The following MAGOHB variants were observed in gnomAD, a reference collection of about 807,000 sequenced individuals.
MAGOHB encodes protein mago nashi homolog 2.
Under a neutral mutation model 20.9 loss-of-function variants are expected in MAGOHB, and 15 were observed. That is an observed-to-expected ratio of 0.72 (90% CI 0.48 to 1.11). The LOEUF (loss-of-function observed/expected upper bound fraction) is 1.11. Ranked by LOEUF, MAGOHB falls within the 50% of genes least tolerant of loss-of-function variation. MAGOHB has a pLI of 0.00. For missense variants in MAGOHB, 162 were observed against 177.6 expected, an observed-to-expected ratio of 0.91 and a Z score of 0.50; for synonymous variants, 50 against 57.9, an observed-to-expected ratio of 0.86 and a Z score of 0.62.
At position 10,606,224 on chromosome 12, in the gene MAGOHB, A is replaced by T; in HGVS notation, c.*51T>A. 2 of 911,860 alleles carry T rather than the reference A, an allele frequency of 2.2e-6. No homozygotes were observed. Among genetic ancestry groups the T allele is most frequent in the South Asian group, 1.7e-5 (1 of 60,238 alleles). The allele number at this position is 911,860 out of a possible 1,614,324, so 56.5% of individuals were successfully genotyped here. On this transcript the variant is annotated 3_prime_UTR_variant, in exon 5 of 5. Transcript: ENST00000320756. ...AACCCCAATACTGTAAATGACAAAT[A>T]ACCCCTCCCATCCCTTAATTAAATA...
At chr12:10,607,735 A>T in intron 4 of MAGOHB, 119 bp downstream of exon 4, 1 of 635,496 alleles carries the variant, frequency 1.6e-6, no homozygotes, top group Non-Finnish European at 2.8e-6. Flanking sequence ...TCAGGATTAC[A>T]TCTGCATAAT....
intron 3 of MAGOHB, 162 bp downstream of exon 3, chr12:10,609,669 G>A (rs892658702): frequency 8.4e-6 from 5 of 592,610 alleles, no homozygotes; most frequent in African/African-American, 3.7e-5. Context: ...AGGTAGCACA[G>A]AAAAACAGAA....
At chr12:10,613,053 C>A in intron 1 of MAGOHB, 3 of 832,428 alleles carry the variant, frequency 3.6e-6, no homozygotes, top group Admixed American at 2.9e-5. Context: ...GGCTCCTCCC[C>A]TTCAAAGAAA....
intron 3 of MAGOHB, 129 bp from the exon 4 acceptor site, chr12:10,608,065 AG>A: frequency 1.7e-6 from 1 of 577,490 alleles, no homozygotes. Context: ...GTGGGGGGCG[AG>A]GGGGAAAGAA....
chr12:10,601,800 C>A (rs1423778452), downstream of MAGOHB, among the ~76,000 whole-genome samples: 1 of 152,204 alleles, frequency 6.6e-6, no homozygotes, highest in Non-Finnish European at 1.5e-5. Flanking sequence ...ATAAAAGTAT[C>A]ACACGCTTCA....
Position 10,604,586 on chromosome 12 carries a change from G to A in MAGOHB, c.*1689C>T, listed in dbSNP as rs994819120. 37 of 152,144 alleles carry A rather than the reference G, an allele frequency of 2.4e-4. No individual in the cohort carries two copies. Among genetic ancestry groups the A allele is most frequent in the Admixed American group, 2.0e-3 (30 of 15,278 alleles). 9.4% of individuals were successfully genotyped at this position (152,144 alleles called of 1,614,324 possible). A position where few individuals can be genotyped will look rare whatever the true frequency, so the allele number is the denominator to read the frequency against. Reference sequence around the variant, plus strand: ...AACAGGAGCCACAACCTGTTTTGAGGAACAACCAACAACTGTGGGCCTACT... The same window carrying A: ...AACAGGAGCCACAACCTGTTTTGAGAAACAACCAACAACTGTGGGCCTACT... On this transcript the variant is annotated 3_prime_UTR_variant, in exon 5 of 5. Transcript: ENST00000320756.
chr12:10,611,641 G>A (rs1266027215), intron 1 of MAGOHB, among the ~76,000 whole-genome samples: 4 of 150,492 alleles, frequency 2.7e-5, no homozygotes, highest in Non-Finnish European at 5.9e-5. Context: ...CCAGCTACTC[G>A]GGAGGATGAG....
chr12:10,606,439 A>C (rs1865631417), intron 4 of MAGOHB, 65 bp from the exon 5 acceptor site: 1 of 788,068 alleles, frequency 1.3e-6, no homozygotes, highest in Non-Finnish European at 2.0e-6. Context: ...TAAATGCCTA[A>C]AACAAAACAA....
At chr12:10,609,998 A>ATTTCTTTCTGAGTTGAG in intron 2 of MAGOHB, 57 bp from the exon 3 acceptor site, 3 of 951,036 alleles carry the variant, frequency 3.2e-6, no homozygotes, top group Non-Finnish European at 4.7e-6. Context: ...CCCTCAACTC[A>ATTTCTTTCTGAGTTGAG]GAAAGAAATG....
At chr12:10,612,558 C>T (rs1164916367) in intron 1 of MAGOHB, 2 of 535,266 alleles carry the variant, frequency 3.7e-6, no homozygotes, top group African/African-American at 2.1e-5. Flanking sequence ...ACTTAATATG[C>T]ATACTGCTTT....
downstream of MAGOHB, among the ~76,000 whole-genome samples, chr12:10,600,981 C>T (rs1200014964): frequency 6.6e-6 from 1 of 152,166 alleles, no homozygotes; most frequent in Non-Finnish European, 1.5e-5. Context: ...ATAATGTAGG[C>T]AAAGTTTCAT....
Position 10,613,603 on chromosome 12 carries a change from G to T in MAGOHB, c.-71C>A. 3 of 1,002,778 alleles carry T rather than the reference G, an allele frequency of 3.0e-6. No homozygotes were observed. Among genetic ancestry groups the T allele is most frequent in the East Asian group, 2.4e-5 (1 of 42,080 alleles). The allele number at this position is 1,002,778 out of a possible 1,614,324, so 62.1% of individuals were successfully genotyped here. On this transcript the variant is annotated 5_prime_UTR_variant, in exon 1 of 5. Coordinates refer to ENST00000320756, the MANE Select transcript of MAGOHB (RefSeq NM_018048.5). ...CGGCGCCTTGCAGTGACGTCATCGC[G>T]CGGAATAAGTGCGTCACCACAGGCG...
chr12:10,612,596 A>G, intron 1 of MAGOHB: 2 of 990,008 alleles, frequency 2.0e-6, no homozygotes, highest in Non-Finnish European at 2.5e-6. Context: ...CCTCCCACCA[A>G]GACAAATCTG....
chr12:10,600,265 G>C (rs535574564), downstream of MAGOHB, among the ~76,000 whole-genome samples: 1 of 151,408 alleles, frequency 6.6e-6, no homozygotes, highest in Non-Finnish European at 1.5e-5. Flanking sequence ...TTATTTCAAA[G>C]AAATTCATCT....
At chr12:10,608,099 T>C in intron 3 of MAGOHB, 163 bp from the exon 4 acceptor site, 2 of 518,002 alleles carry the variant, frequency 3.9e-6, no homozygotes, top group Non-Finnish European at 6.7e-6. Context: ...AGATATAAAC[T>C]ATATCCTTAA....
At position 10,610,603 on chromosome 12, in the gene MAGOHB, A is replaced by G; in HGVS notation, c.153+19T>C. ...AAAAAAAAAAAAAAAAAAAAAAAAG[A>G]CATTCACATAGAACTTACCTCTTTT... On this transcript the variant is annotated intron_variant, in intron 2 of 4. Transcript: ENST00000320756. 7.4e-7 allele frequency: 1 copy of G among 1,351,640 alleles called. No homozygotes were observed. The highest frequency in any genetic ancestry group is 9.7e-7 in the Non-Finnish European group (1 of 1,030,126). 83.7% of individuals were successfully genotyped at this position (1,351,640 alleles called of 1,614,324 possible). A position where few individuals can be genotyped will look rare whatever the true frequency, so the allele number is the denominator to read the frequency against.
intron 3 of MAGOHB, chr12:10,608,939 G>A (rs1436053322): frequency 6.5e-6 from 1 of 152,786 alleles, no homozygotes; most frequent in African/African-American, 2.4e-5. Context: ...TAAGTGAATA[G>A]ATAAAATACT....
chr12:10,601,847 G>C (rs555962150), downstream of MAGOHB, among the ~76,000 whole-genome samples: 1 of 152,300 alleles, frequency 6.6e-6, no homozygotes, highest in South Asian at 2.1e-4. Context: ...CTACAGACAG[G>C]ATTTCTTACA....
At chr12:10,609,778 T>G in intron 3 of MAGOHB, 53 bp downstream of exon 3, 1 of 1,121,406 alleles carries the variant, frequency 8.9e-7, no homozygotes, top group Non-Finnish European at 1.3e-6. Flanking sequence ...GGAAACAAAA[T>G]AGTATTATCA....
Sources: allele counts gnomAD v4.1 joint callset (sites outside exome capture counted in the v4.1 genomes callset), GRCh38; gene constraint gnomAD v4.1.1; transcripts MANE v1.5; gene names NCBI Gene and HGNC (gene_info 2026-07-23, HGNC 2026-07-21).